The following BLTP3A variants were observed in gnomAD, a reference collection of about 807,000 sequenced individuals.
BLTP3A encodes bridge-like lipid transfer protein family member 3A, also known as ICBP90 binding protein 1.
chr6:34,849,059 C>T, the BLTP3A span, among the ~76,000 whole-genome samples: 3 of 147,142 alleles, frequency 2.0e-5, no homozygotes, highest in South Asian at 4.2e-4. Flanking sequence ...AGTGAAGTGG[C>T]GTGATCTCAG....
the BLTP3A span, among the ~76,000 whole-genome samples, chr6:34,866,993 G>C: frequency 6.6e-6 from 1 of 152,076 alleles, no homozygotes; most frequent in Non-Finnish European, 1.5e-5. Flanking sequence ...AAGGACACTT[G>C]GGTTGCTTCT....
the BLTP3A span, among the ~76,000 whole-genome samples, chr6:34,822,949 C>T: frequency 6.6e-6 from 1 of 151,624 alleles, no homozygotes; most frequent in Non-Finnish European, 1.5e-5. Context: ...ATCCCAAAAA[C>T]TGGAATCCCC....
chr6:34,859,166 G>A, the BLTP3A span: 2 of 1,614,160 alleles, frequency 1.2e-6, no homozygotes, highest in East Asian at 2.2e-5. Context: ...GAGGAAAGTA[G>A]CATTGAAAAT....
At chr6:34,799,492 A>G in the BLTP3A span, among the ~76,000 whole-genome samples, 2 of 146,798 alleles carry the variant, frequency 1.4e-5, no homozygotes, top group East Asian at 2.0e-4. Flanking sequence ...CCTGTCTGGG[A>G]AAAAAAAAAA....
the BLTP3A span, among the ~76,000 whole-genome samples, chr6:34,844,192 C>G: frequency 6.6e-6 from 1 of 152,014 alleles, no homozygotes; most frequent in East Asian, 1.9e-4. Flanking sequence ...CCATGTTAGT[C>G]AGGATGGTCT....
the BLTP3A span, among the ~76,000 whole-genome samples, chr6:34,807,055 A>T: frequency 6.6e-6 from 1 of 152,222 alleles, no homozygotes; most frequent in Admixed American, 6.6e-5. Flanking sequence ...TTTTCACTTT[A>T]GGTAATCTAG....
At chr6:34,871,596 C>A in the BLTP3A span, 2 of 1,612,920 alleles carry the variant, frequency 1.2e-6, no homozygotes, top group Non-Finnish European at 1.7e-6. Context: ...TGATATCCCC[C>A]CCATCTATCC....
At chr6:34,875,567 G>T in the BLTP3A span, 18 of 152,060 alleles carry the variant, frequency 1.2e-4, no homozygotes, top group Admixed American at 1.2e-3. Context: ...AAGTACCAAG[G>T]CTAACCTCCT....
the BLTP3A span, chr6:34,872,459 G>C: frequency 3.1e-6 from 5 of 1,596,942 alleles, no homozygotes; most frequent in Non-Finnish European, 4.3e-6. Context: ...TCAGCCATCT[G>C]TGCCAAGGAG....
At chr6:34,829,027 C>CAAAAAAAAAAAA in the BLTP3A span, among the ~76,000 whole-genome samples, 18 of 50,728 alleles carry the variant, frequency 3.5e-4, no homozygotes, top group East Asian at 1.7e-3. Flanking sequence ...AACTCCATCT[C>CAAAAAAAAAAAA]AAAAAAAAAA....
At chr6:34,867,503 T>C in the BLTP3A span, 1 of 1,614,130 alleles carries the variant, frequency 6.2e-7, no homozygotes, top group Non-Finnish European at 8.5e-7. Context: ...GAGGTGTCTT[T>C]TGGGATTGAG....
At chr6:34,809,667 G>A in the BLTP3A span, among the ~76,000 whole-genome samples, 2 of 152,208 alleles carry the variant, frequency 1.3e-5, no homozygotes, top group Admixed American at 1.3e-4. Flanking sequence ...CCGGGTTCAA[G>A]CGATTCTCCT....
chr6:34,863,944 T>C, the BLTP3A span: 1 of 1,474,878 alleles, frequency 6.8e-7, no homozygotes, highest in Non-Finnish European at 9.0e-7. Context: ...TGTAAGTGGA[T>C]GGGAATAAAC....
chr6:34,857,251 C>CTT, the BLTP3A span: 1 of 1,532,058 alleles, frequency 6.5e-7, no homozygotes, highest in Non-Finnish European at 8.9e-7. Flanking sequence ...ATGGTAGAGG[C>CTT]TTTATGCTTC....
the BLTP3A span, chr6:34,867,164 G>C: frequency 1.3e-6 from 2 of 1,496,274 alleles, no homozygotes; most frequent in Non-Finnish European, 1.8e-6. Flanking sequence ...ATTGTTTGTA[G>C]AGGTTGGATT....
the BLTP3A span, among the ~76,000 whole-genome samples, chr6:34,800,152 A>G: frequency 6.6e-6 from 1 of 152,100 alleles, no homozygotes; most frequent in Non-Finnish European, 1.5e-5. Flanking sequence ...TGAAATTTGT[A>G]TCTTGGGTTA....
the BLTP3A span, chr6:34,823,437 A>T: frequency 9.2e-7 from 1 of 1,085,810 alleles, no homozygotes; most frequent in East Asian, 2.4e-5. Context: ...TATTATGGAC[A>T]TTTTCAAACT....
chr6:34,875,669 T>C, the BLTP3A span: 2 of 152,166 alleles, frequency 1.3e-5, no homozygotes, highest in Admixed American at 6.5e-5. Context: ...TTTCTGTCTT[T>C]CCTTATGTGG....
the BLTP3A span, among the ~76,000 whole-genome samples, chr6:34,794,895 C>T: frequency 6.6e-6 from 1 of 151,982 alleles, no homozygotes; most frequent in African/African-American, 2.4e-5. Context: ...AGAGATTCCC[C>T]TGCCTTAGCC....
Sources: gnomAD v4.1 joint callset for allele counts (sites outside exome capture counted in the v4.1 genomes callset) on GRCh38, gnomAD v4.1.1 for gene constraint, MANE v1.5 for transcripts, NCBI Gene and HGNC (gene_info 2026-07-23, HGNC 2026-07-21) for gene names.